WNT11: variants seen among roughly 807,000 people sequenced by gnomAD.
WNT11 encodes Wnt family member 11.
WNT11 carries 20 observed loss-of-function variants against 35.6 expected under a neutral mutation model. The observed-to-expected ratio is 0.56, with a 90% CI of 0.40 to 0.82. WNT11 has a LOEUF of 0.82. Among genes scored for constraint, WNT11 ranks in the 40% least tolerant of loss-of-function variants. The pLI is 0.00. For missense variants in WNT11, 459 were observed against 504.4 expected (o/e 0.91, Z 0.86); for synonymous variants, 200 against 211.9 (o/e 0.94, Z 0.49).
chr11:76,203,395 G>T (rs900854941), intron 1 of WNT11, among the ~76,000 whole-genome samples: 3 of 152,244 alleles, frequency 2.0e-5, no homozygotes, highest in African/African-American at 7.2e-5. Context: ...GCCCAGGGAA[G>T]GGGGCGGCCT....
intron 4 of WNT11, chr11:76,190,884 T>A (rs1251332082): frequency 6.6e-6 from 1 of 152,260 alleles, no homozygotes; most frequent in African/African-American, 2.4e-5. Flanking sequence ...TGTGCAGTCC[T>A]CACCAGCCCC....
chr11:76,206,718 C>G (rs1953481786), upstream of WNT11, among the ~76,000 whole-genome samples: 1 of 152,042 alleles, frequency 6.6e-6, no homozygotes, highest in South Asian at 2.1e-4. Flanking sequence ...AACGCGCCTT[C>G]GAGCCCCTCT....
At chr11:76,196,149 C>T (rs1182992549) in intron 2 of WNT11, among the ~76,000 whole-genome samples, 2 of 152,230 alleles carry the variant, frequency 1.3e-5, no homozygotes, top group African/African-American at 2.4e-5. Flanking sequence ...GCCTCCCTGA[C>T]ATGTGGCCTC....
chr11:76,196,334 C>T (rs1953285127), intron 2 of WNT11, 149 bp downstream of exon 2: 9 of 875,148 alleles, frequency 1.0e-5, no homozygotes, highest in Admixed American at 2.0e-5. Context: ...CATACCCCAT[C>T]CATCCATGCC....
chr11:76,200,104 C>T (rs1953351675), intron 1 of WNT11, among the ~76,000 whole-genome samples: 1 of 152,094 alleles, frequency 6.6e-6, no homozygotes, highest in Non-Finnish European at 1.5e-5. Context: ...AGAAACCTTC[C>T]CAGAGACCCA....
chr11:76,194,207 C>T lies in WNT11; in HGVS notation c.597+360G>A, dbSNP rs575311430. Among the ~76,000 whole-genome samples the T allele has an allele frequency of 2.0e-4, 30 of 152,026 alleles. No homozygotes were observed. The highest frequency in any genetic ancestry group is 1.9e-3 in the Admixed American group (29 of 15,272). ...CAGATGGGGACTCAGCACCAGGTCA[C>T]CCCCACCATTTCATAGATGGGAACA... On this transcript the variant is annotated intron_variant, in intron 3 of 4. Coordinates refer to ENST00000322563, the MANE Select transcript of WNT11 (RefSeq NM_004626.3). The surrounding 1 kb of genome is among the most constrained non-coding windows in gnomAD (Gnocchi z 5.4).
In WNT11 at chr11:76,187,151, C is replaced by G. The variant is rs148453764; in HGVS notation, c.979G>C (p.Glu327Gln). ...GYNPYTDRVV[E>Q]RCHCKYHWCC... ...CAGTGGTACTTACAGTGGCACCGCTCGACCACGCGGTCTGTGTAGGGGTTG... is the reference window on the plus strand; with the variant it reads ...CAGTGGTACTTACAGTGGCACCGCTGGACCACGCGGTCTGTGTAGGGGTTG... Residue 327 changes from glutamate to glutamine, a missense_variant, in exon 5 of 5, where the codon GAG (glutamate) becomes CAG (glutamine). Glu to Gln is a conservative substitution (Grantham distance 29). Coordinates refer to ENST00000322563, the MANE Select transcript of WNT11 (RefSeq NM_004626.3). 1 of 1,612,032 alleles carries G rather than the reference C, an allele frequency of 6.2e-7. No individual in the cohort carries two copies. Among genetic ancestry groups the G allele is most frequent in the South Asian group, 1.1e-5 (1 of 91,078 alleles).
intron 1 of WNT11, among the ~76,000 whole-genome samples, chr11:76,205,614 G>A (rs1373687559): frequency 2.0e-5 from 3 of 152,076 alleles, no homozygotes; most frequent in Non-Finnish European, 4.4e-5. Context: ...AACTTAGAGC[G>A]CAGCTCCTCC....
Position 76,194,948 on chromosome 11 carries a change from A to T in WNT11, c.320-104T>A. 3.7e-6 allele frequency: 5 copies of T among 1,368,128 alleles called. No individual in the cohort carries two copies. Among genetic ancestry groups the T allele is most frequent in the Non-Finnish European group, 4.8e-6 (5 of 1,039,996 alleles). The allele number at this position is 1,368,128 out of a possible 1,614,324, so 84.7% of individuals were successfully genotyped here. The stretch of plus-strand genomic sequence containing the variant: ...CCCACACCCTGCTGTAACCAAGGTG[A>T]CGCCAGCAGGGGTCGGCACTAGGGC... On this transcript the variant is annotated intron_variant, in intron 2 of 4. Coordinates refer to ENST00000322563, the MANE Select transcript of WNT11 (RefSeq NM_004626.3). The surrounding 1 kb of genome is among the most constrained non-coding windows in gnomAD (Gnocchi z 5.4).
At chr11:76,206,649 G>A, upstream of WNT11, 1 of 859,448 alleles carries the variant, frequency 1.2e-6, no homozygotes, top group Non-Finnish European at 1.5e-6. Flanking sequence ...GACGCGTCCC[G>A]CGCCTGGCTC....
chr11:76,188,284 G>A (rs979612781), intron 4 of WNT11, among the ~76,000 whole-genome samples: 1 of 152,236 alleles, frequency 6.6e-6, no homozygotes, highest in Non-Finnish European at 1.5e-5. Context: ...AACAGGCTCA[G>A]CAAAGGGCAG....
Position 76,194,785 on chromosome 11 carries a change from C to A in WNT11, c.379G>T (p.Ala127Ser), listed in dbSNP as rs1016370203. The stretch of plus-strand genomic sequence containing the variant: ...AGGTCGCCGGAGGTGCAGGCCCGGG[C>A]GATGGCGTGGCTGATGGCGGCGGCC... ...LSAAAISHAI[A>S]RACTSGDLPG... The change falls in exon 3 of 5, where the codon GCC (alanine) becomes TCC (serine). Residue 127 changes from alanine to serine, a missense_variant. Physicochemically the swap from Ala to Ser is moderately conservative, Grantham distance 99 (BLOSUM62 1). Transcript: ENST00000322563. The surrounding 1 kb of genome is among the most constrained non-coding windows in gnomAD (Gnocchi z 5.4). 3 of 1,554,162 alleles carry A rather than the reference C, an allele frequency of 1.9e-6. No homozygotes were observed. Among genetic ancestry groups the A allele is most frequent in the Non-Finnish European group, 2.6e-6 (3 of 1,152,960 alleles).
At chr11:76,190,011 A>G (rs1409155090) in intron 4 of WNT11, among the ~76,000 whole-genome samples, 1 of 142,232 alleles carries the variant, frequency 7.0e-6, no homozygotes, top group African/African-American at 2.7e-5. Flanking sequence ...ATGAGGAGTG[A>G]GGGGCAGCTG....
intron 1 of WNT11, 29 bp downstream of exon 1, chr11:76,206,296 G>C (rs780510633): frequency 6.7e-7 from 1 of 1,503,490 alleles, no homozygotes; most frequent in East Asian, 2.6e-5. Flanking sequence ...TCCCTGGCCT[G>C]TGCGCGTGGA....
intron 1 of WNT11, among the ~76,000 whole-genome samples, chr11:76,201,699 G>A (rs1953382071): frequency 6.6e-6 from 1 of 152,158 alleles, no homozygotes. Flanking sequence ...TCAAGCTCTG[G>A]CTCAGCAGCT....
At chr11:76,187,814 C>T (rs1311921264) in intron 4 of WNT11, among the ~76,000 whole-genome samples, 1 of 152,086 alleles carries the variant, frequency 6.6e-6, no homozygotes, top group Non-Finnish European at 1.5e-5. Flanking sequence ...TAGCTTTTTT[C>T]TATTTCTTCT....
Position 76,206,429 on chromosome 11 carries a change from G to A in WNT11, c.-22C>T. On this transcript the variant is annotated 5_prime_UTR_variant, in exon 1 of 5. Coordinates refer to ENST00000322563, the MANE Select transcript of WNT11 (RefSeq NM_004626.3). ...TCATCGTCGCGCGGCGGGCGCGCCCGGGGTCACACCCAGGAGGAGCCGCGC... is the reference window on the plus strand; with the variant it reads ...TCATCGTCGCGCGGCGGGCGCGCCCAGGGTCACACCCAGGAGGAGCCGCGC... 1 of 1,484,006 alleles carries A rather than the reference G, an allele frequency of 6.7e-7. No individual in the cohort carries two copies. Among genetic ancestry groups the A allele is most frequent in the Non-Finnish European group, 8.9e-7 (1 of 1,121,456 alleles). The allele number at this position is 1,484,006 out of a possible 1,614,324, so 91.9% of individuals were successfully genotyped here.
rs1200309871 is a variant in WNT11 at position 76,194,876 on chromosome 11, T to G, written c.320-32A>C. 1 of 1,470,484 alleles carries G rather than the reference T, an allele frequency of 6.8e-7. No homozygotes were observed. The highest frequency in any genetic ancestry group is 9.0e-7 in the Non-Finnish European group (1 of 1,116,128). The allele number at this position is 1,470,484 out of a possible 1,614,324, so 91.1% of individuals were successfully genotyped here. A position where few individuals can be genotyped will look rare whatever the true frequency, so the allele number is the denominator to read the frequency against. ...GTGGGAGGGGAAGGTCAGCCGACGC[T>G]GATCCAGGGCTAGGACCCTGCCCAG... is the stretch of plus-strand genomic sequence containing the variant. On this transcript the variant is annotated intron_variant, in intron 2 of 4. Coordinates refer to ENST00000322563, the MANE Select transcript of WNT11 (RefSeq NM_004626.3). The surrounding 1 kb of genome is among the most constrained non-coding windows in gnomAD (Gnocchi z 5.4).
intron 1 of WNT11, among the ~76,000 whole-genome samples, chr11:76,202,499 G>C (rs1002695889): frequency 6.6e-6 from 1 of 152,148 alleles, no homozygotes; most frequent in African/African-American, 2.4e-5. Context: ...GTGGCAGGGA[G>C]GATGGAGCAG....
Sources: allele counts gnomAD v4.1 joint callset (sites outside exome capture counted in the v4.1 genomes callset), GRCh38; gene constraint gnomAD v4.1.1; non-coding constraint Gnocchi (gnomAD v3.1); transcripts MANE v1.5; gene names NCBI Gene and HGNC (gene_info 2026-07-23, HGNC 2026-07-21).